Variants in NOS1AP observed in about 807,000 individuals in gnomAD.
The protein encoded by NOS1AP is nitric oxide synthase 1 adaptor protein.
Under a neutral mutation model 56.2 loss-of-function variants are expected in NOS1AP, and 21 were observed. The observed-to-expected ratio is 0.37, with a 90% CI of 0.26 to 0.54. NOS1AP has a LOEUF of 0.54. Ranked by LOEUF, NOS1AP falls within the 20% of genes least tolerant of loss-of-function variation. The probability of loss-of-function intolerance (pLI) is 0.84; values close to 1 mark genes in which losing one functional copy is unlikely to be tolerated. For missense variants in NOS1AP, 522 were observed against 657.8 expected (o/e 0.79, Z 2.26); for synonymous variants, 270 against 274.6 (o/e 0.98, Z 0.17).
rs771508286 is a variant in NOS1AP, at chr1:162,368,522, T to C, written c.*1055T>C. 4 of 152,140 alleles carry C rather than the reference T, an allele frequency of 2.6e-5. No homozygotes were observed. The highest frequency in any genetic ancestry group is 4.4e-5 in the Non-Finnish European group (3 of 68,032). 9.4% of individuals were successfully genotyped at this position (152,140 alleles called of 1,614,324 possible). A position where few individuals can be genotyped will look rare whatever the true frequency, so the allele number is the denominator to read the frequency against. On this transcript the variant is annotated 3_prime_UTR_variant, in exon 10 of 10. Coordinates refer to ENST00000361897, the MANE Select transcript of NOS1AP (RefSeq NM_014697.3). ...AGACTGTGAGACTGTTTTTGTCCAC[T>C]CTTCTGAATCACTGCCACTTGGGTC...
chr1:162,120,177 T>G (rs1448960780), intron 1 of NOS1AP, among the ~76,000 whole-genome samples: 1 of 152,158 alleles, frequency 6.6e-6, no homozygotes, highest in Non-Finnish European at 1.5e-5. Flanking sequence ...ACCCTTTAGC[T>G]GAATAATTCT....
At chr1:162,168,613 C>G (rs1292986153) in intron 2 of NOS1AP, among the ~76,000 whole-genome samples, 1 of 151,592 alleles carries the variant, frequency 6.6e-6, no homozygotes, top group African/African-American at 2.4e-5. Flanking sequence ...CACAAGCTGT[C>G]ATTGTGCTGA....
chr1:162,200,259 A>G (rs1217106536), intron 2 of NOS1AP, among the ~76,000 whole-genome samples: 2 of 151,886 alleles, frequency 1.3e-5, no homozygotes, highest in African/African-American at 4.8e-5. Context: ...GGTGGTTTTC[A>G]CTCCTGTGGT....
At chr1:162,193,822 A>G (rs933306459) in intron 2 of NOS1AP, among the ~76,000 whole-genome samples, 4 of 152,052 alleles carry the variant, frequency 2.6e-5, no homozygotes, top group Non-Finnish European at 5.9e-5. Flanking sequence ...CCTTCCTCTC[A>G]GTATTAGGTT....
chr1:162,076,477 A>G (rs1473210165), intron 1 of NOS1AP, among the ~76,000 whole-genome samples: 3 of 152,222 alleles, frequency 2.0e-5, no homozygotes, highest in African/African-American at 4.8e-5. Context: ...CATACAATTC[A>G]CTAATTTAAA....
At chr1:162,073,461 AT>A (rs1251469086) in intron 1 of NOS1AP, among the ~76,000 whole-genome samples, 1 of 151,952 alleles carries the variant, frequency 6.6e-6, no homozygotes, top group Non-Finnish European at 1.5e-5. Context: ...ACATTTATTT[AT>A]TTATTTATTT....
intron 3 of NOS1AP, among the ~76,000 whole-genome samples, chr1:162,289,218 TTCC>T (rs1399775475): frequency 0.032 from 343 of 10,712 alleles, 9 homozygotes; most frequent in East Asian, 0.26. Context: ...CTTTCCTTCC[TTCC>T]TTCCTTCCTT....
At chr1:162,173,393 C>T (rs1650898110) in intron 2 of NOS1AP, among the ~76,000 whole-genome samples, 1 of 152,094 alleles carries the variant, frequency 6.6e-6, no homozygotes, top group South Asian at 2.1e-4. Context: ...TGGATCCCTT[C>T]CTTACACCTT....
intron 2 of NOS1AP, among the ~76,000 whole-genome samples, chr1:162,173,634 C>G (rs940278092): frequency 3.3e-5 from 5 of 152,142 alleles, no homozygotes; most frequent in African/African-American, 1.2e-4. Flanking sequence ...AACAGGCAAC[C>G]TACAGAATGG....
chr1:162,283,149 A>G (rs1323852106), intron 2 of NOS1AP, among the ~76,000 whole-genome samples: 1 of 151,566 alleles, frequency 6.6e-6, no homozygotes, highest in East Asian at 1.9e-4. Context: ...GTTAATATAC[A>G]TATATATTTT....
chr1:162,356,022 A>G, intron 7 of NOS1AP, among the ~76,000 whole-genome samples: 1 of 152,196 alleles, frequency 6.6e-6, no homozygotes, highest in East Asian at 1.9e-4. Context: ...CTCTACCCTT[A>G]GATTCCCAGG....
At chr1:162,191,130 T>C (rs4657164) in intron 2 of NOS1AP, among the ~76,000 whole-genome samples, 24,070 of 152,148 alleles carry the variant, frequency 0.16, 2,048 homozygotes, top group South Asian at 0.24. Flanking sequence ...ATGGCTAGAC[T>C]TGCCCGTCCA....
intron 2 of NOS1AP, among the ~76,000 whole-genome samples, chr1:162,247,860 G>T (rs552175214): frequency 6.6e-6 from 1 of 152,288 alleles, no homozygotes; most frequent in African/African-American, 2.4e-5. Flanking sequence ...TCATGAGAAA[G>T]AAGGCTGTGA....
At chr1:162,308,066 G>T (rs1655896826) in intron 4 of NOS1AP, among the ~76,000 whole-genome samples, 1 of 152,154 alleles carries the variant, frequency 6.6e-6, no homozygotes, top group African/African-American at 2.4e-5. Flanking sequence ...TTATTATAAA[G>T]AACTATTAAA....
chr1:162,165,316 T>A (rs920241236), intron 2 of NOS1AP, among the ~76,000 whole-genome samples: 2 of 151,710 alleles, frequency 1.3e-5, no homozygotes, highest in African/African-American at 2.4e-5. Context: ...AGCGAAACTC[T>A]GTCAAAAAAA....
At chr1:162,332,203 G>T (rs1656791393) in intron 4 of NOS1AP, among the ~76,000 whole-genome samples, 1 of 152,104 alleles carries the variant, frequency 6.6e-6, no homozygotes, top group South Asian at 2.1e-4. Flanking sequence ...TTCCTGCCAT[G>T]GTTTGGCCCA....
intron 4 of NOS1AP, among the ~76,000 whole-genome samples, chr1:162,325,193 T>C (rs1656544446): frequency 6.6e-6 from 1 of 152,012 alleles, no homozygotes; most frequent in South Asian, 2.1e-4. Context: ...GCCCTGTATA[T>C]ACAGTGGGGG....
intron 1 of NOS1AP, among the ~76,000 whole-genome samples, chr1:162,143,364 T>G (rs1482250818): frequency 1.3e-5 from 2 of 152,348 alleles, no homozygotes; most frequent in East Asian, 3.9e-4. Flanking sequence ...GAGGCTATTA[T>G]GGTAAAGCTA....
chr1:162,364,066 A>C, intron 8 of NOS1AP: 1 of 985,432 alleles, frequency 1.0e-6, no homozygotes, highest in Non-Finnish European at 1.2e-6. Flanking sequence ...CACTTGGCCA[A>C]GGGTGGCCAA....
Sources: allele counts gnomAD v4.1 joint callset (sites outside exome capture counted in the v4.1 genomes callset), GRCh38; gene constraint gnomAD v4.1.1; transcripts MANE v1.5; gene names NCBI Gene and HGNC (gene_info 2026-07-23, HGNC 2026-07-21).